Variants in PTK7 observed in about 807,000 individuals in gnomAD.
PTK7 encodes protein tyrosine kinase 7 (inactive), also known as inactive tyrosine-protein kinase 7.
In PTK7, 39 loss-of-function variants were observed where a neutral mutation model predicts 116.6. The observed-to-expected ratio is 0.33, with a 90% CI of 0.26 to 0.44. PTK7 has a LOEUF of 0.44. Among genes scored for constraint, PTK7 ranks in the 20% least tolerant of loss-of-function variants. The pLI, the probability that PTK7 is intolerant of heterozygous loss-of-function variation, is 1.00. For synonymous variants in PTK7, 546 were observed against 563.6 expected, an observed-to-expected ratio of 0.97 and a Z score of 0.44; for missense variants, 1,169 against 1,425.6, an observed-to-expected ratio of 0.82 and a Z score of 2.90.
chr6:43,087,069 A>G (rs1468551611), intron 1 of PTK7, among the ~76,000 whole-genome samples: 1 of 152,144 alleles, frequency 6.6e-6, no homozygotes, highest in East Asian at 1.9e-4. Flanking sequence ...TCTGTTCTAA[A>G]GTCATGTTTC....
chr6:43,120,789 C>T (rs1768910095), intron 1 of PTK7, among the ~76,000 whole-genome samples: 2 of 152,120 alleles, frequency 1.3e-5, no homozygotes, highest in Non-Finnish European at 2.9e-5. Flanking sequence ...GGCGATTGAC[C>T]AGGGTCACCC....
rs1170970149 is a variant in PTK7, at chr6:43,076,316, T to A, written c.-173T>A. On this transcript the variant is annotated 5_prime_UTR_variant, in exon 1 of 20. Coordinates refer to ENST00000230419, the MANE Select transcript of PTK7 (RefSeq NM_002821.5). This position sits in a 1 kb window ranked among gnomAD's most constrained non-coding sequence, Gnocchi z 5.7. The stretch of plus-strand genomic sequence containing the variant: ...GCGGCGCGCGGGGACTCGGAGGTAC[T>A]GGGCGCGCGCGGCTCCGGCTCGGGA... 3 of 222,414 alleles carry A rather than the reference T, an allele frequency of 1.3e-5. No individual in the cohort carries two copies. The highest frequency in any genetic ancestry group is 2.4e-5 in the Non-Finnish European group (3 of 122,690). The allele number at this position is 222,414 out of a possible 1,614,324, so 13.8% of individuals were successfully genotyped here.
Position 43,160,856 on chromosome 6 carries a change from A to G in PTK7, c.3188A>G (p.Asp1063Gly). The G allele has an allele frequency of 1.2e-6, 2 of 1,613,982 alleles. No homozygotes were observed. The highest frequency in any genetic ancestry group is 8.5e-7 in the Non-Finnish European group (1 of 1,180,014). The change falls in exon 20 of 20, where the codon GAC becomes GGC. Residue 1063 changes from aspartate to glycine, a missense_variant. Coordinates refer to ENST00000230419, the MANE Select transcript of PTK7 (RefSeq NM_002821.5). Reference sequence around the variant, plus strand: ...AGTGAGATTGCCAGCGCCCTGGGAGACAGCACCGTGGACAGCAAGCCGTGA... The same window carrying G: ...AGTGAGATTGCCAGCGCCCTGGGAGGCAGCACCGTGGACAGCAAGCCGTGA... ...SFSEIASALGDSTVDSKP is the reference protein window; with the variant it reads ...SFSEIASALGGSTVDSKP
intron 17 of PTK7, among the ~76,000 whole-genome samples, chr6:43,146,956 G>T (rs972272630): frequency 2.0e-5 from 3 of 152,238 alleles, no homozygotes; most frequent in African/African-American, 7.2e-5. Context: ...TTGCCATGCT[G>T]GCTTCACGGA....
intron 17 of PTK7, among the ~76,000 whole-genome samples, chr6:43,147,667 C>T (rs1770801607): frequency 6.6e-6 from 1 of 152,198 alleles, no homozygotes; most frequent in African/African-American, 2.4e-5. Flanking sequence ...GTGAATGGGA[C>T]CCTGGCTGCC....
chr6:43,116,651 T>TGTGCGCGC (rs1323606377), intron 1 of PTK7, among the ~76,000 whole-genome samples: 7 of 77,270 alleles, frequency 9.1e-5, no homozygotes, highest in African/African-American at 4.5e-4. Context: ...TGTGTGTGTG[T>TGTGCGCGC]GCGCGCGCAC....
At chr6:43,089,989 AC>A (rs1766859958) in intron 1 of PTK7, among the ~76,000 whole-genome samples, 1 of 152,122 alleles carries the variant, frequency 6.6e-6, no homozygotes, top group East Asian at 1.9e-4. Flanking sequence ...GTCTTTCCTT[AC>A]CCTCTTTACC....
At chr6:43,159,166 G>A (rs1384282826) in intron 18 of PTK7, among the ~76,000 whole-genome samples, 198 bp downstream of exon 18, 2 of 152,126 alleles carry the variant, frequency 1.3e-5, no homozygotes, top group East Asian at 1.9e-4. Context: ...ACCCTTGGTG[G>A]TTGTAAAATG....
chr6:43,138,933 C>T lies in PTK7; in HGVS notation c.1313C>T (p.Thr438Ile). The T allele has an allele frequency of 3.1e-6, 5 of 1,614,154 alleles. No homozygotes were observed. Among genetic ancestry groups the T allele is most frequent in the Non-Finnish European group, 4.2e-6 (5 of 1,180,024 alleles). ...TACTTGGATTGCCTGACCCAGGCCA[C>T]ACCAAAACCTACAGTTGTCTGGTAC... ...PGYLDCLTQA[T>I]PKPTVVWYRN... is the part of the protein sequence containing the mutation. Residue 438 changes from threonine to isoleucine, a missense_variant, in exon 8 of 20, where the codon ACA becomes ATA. Thr to Ile is a moderately conservative substitution (Grantham distance 89). Around this residue, in one of 3 missense-constraint regions of PTK7, gnomAD observed 678 missense variants for 853.8 expected, o/e 0.79. Transcript: ENST00000230419.
intron 10 of PTK7, among the ~76,000 whole-genome samples, chr6:43,140,930 A>G (rs532354872): frequency 6.6e-6 from 1 of 152,132 alleles, no homozygotes; most frequent in Non-Finnish European, 1.5e-5. Flanking sequence ...CTCTTCATGA[A>G]TATTTGTTTT....
At chr6:43,123,286 T>G (rs1050669580) in intron 1 of PTK7, among the ~76,000 whole-genome samples, 3 of 152,156 alleles carry the variant, frequency 2.0e-5, no homozygotes, top group Non-Finnish European at 4.4e-5. Context: ...GAGAGAGAAG[T>G]TGATTGATAG....
chr6:43,140,356 G>A (rs1414383262), intron 10 of PTK7, among the ~76,000 whole-genome samples: 1 of 150,282 alleles, frequency 6.7e-6, no homozygotes, highest in African/African-American at 2.5e-5. Context: ...GGGAGGCTGA[G>A]GTAGGAGAAT....
intron 17 of PTK7, among the ~76,000 whole-genome samples, chr6:43,155,190 A>T (rs1013698588): frequency 8.8e-5 from 13 of 147,140 alleles, no homozygotes; most frequent in African/African-American, 2.0e-4. Context: ...AGATACTCAA[A>T]TTTTTTTTTT....
chr6:43,154,363 A>T (rs900815658), intron 17 of PTK7, among the ~76,000 whole-genome samples: 1 of 152,136 alleles, frequency 6.6e-6, no homozygotes, highest in Non-Finnish European at 1.5e-5. Flanking sequence ...AAATTTAAAT[A>T]GCCACATGGG....
chr6:43,091,033 C>G (rs1378264636), intron 1 of PTK7, among the ~76,000 whole-genome samples: 5 of 152,172 alleles, frequency 3.3e-5, no homozygotes, highest in Admixed American at 2.6e-4. Flanking sequence ...CCTGGCTGCC[C>G]CCTCCTTGCT....
intron 1 of PTK7, among the ~76,000 whole-genome samples, chr6:43,077,368 A>AG (rs2150363536): frequency 6.6e-6 from 1 of 152,210 alleles, no homozygotes; most frequent in East Asian, 1.9e-4. Context: ...GTCCTCACAG[A>AG]GGAAAGGAAG....
At position 43,076,552 on chromosome 6, in the gene PTK7, C is replaced by T; in HGVS notation, c.64C>T (p.Leu22=). 2 of 1,576,648 alleles carry T rather than the reference C, an allele frequency of 1.3e-6. No homozygotes were observed. The change falls in exon 1 of 20, where the codon CTG becomes TTG. Residue 22 remains leucine, a synonymous_variant. Transcript: ENST00000230419. This position sits in a 1 kb window ranked among gnomAD's most constrained non-coding sequence, Gnocchi z 5.7. ...RRLPLLSVLL[L]PLLGGTQTAI... ...GTTGCCTCTGCTCAGCGTCCTGCTG[C>T]TGCCGCTGCTGGGCGGTGAGTACCC...
intron 6 of PTK7, 37 bp downstream of exon 6, chr6:43,132,201 T>C: frequency 6.4e-7 from 1 of 1,565,876 alleles, no homozygotes; most frequent in Non-Finnish European, 8.7e-7. Flanking sequence ...TGTGGGAGGC[T>C]GCCTTTAACA....
At chr6:43,147,167 C>T (rs1198704310) in intron 17 of PTK7, among the ~76,000 whole-genome samples, 3 of 152,236 alleles carry the variant, frequency 2.0e-5, no homozygotes, top group African/African-American at 7.2e-5. Context: ...TGGGTTTCCC[C>T]CTCTGTGGTT....
Sources: allele counts gnomAD v4.1 joint callset (sites outside exome capture counted in the v4.1 genomes callset), GRCh38; gene constraint gnomAD v4.1.1; regional missense constraint gnomAD v4.1.1; non-coding constraint Gnocchi (gnomAD v3.1); transcripts MANE v1.5; gene names NCBI Gene and HGNC (gene_info 2026-07-23, HGNC 2026-07-21).